RMP24: variants seen among roughly 807,000 people sequenced by gnomAD.
RMP24 encodes ribonuclease MRP subunit p24, also known as ribonuclease MRP protein subunit p24.
the RMP24 span, chr18:35,974,776 GTTTAC>G: frequency 3.3e-6 from 3 of 900,736 alleles, no homozygotes; most frequent in African/African-American, 3.4e-5. Flanking sequence ...CATATTTTGA[GTTTAC>G]TTAATGTGTA....
the RMP24 span, chr18:35,977,589 A>G: frequency 6.9e-5 from 111 of 1,611,494 alleles, no homozygotes; most frequent in Middle Eastern, 5.0e-4. Context: ...AGAGCCCAGC[A>G]TCGGTTTTCA....
chr18:35,972,744 T>A, the RMP24 span: 3 of 1,612,678 alleles, frequency 1.9e-6, no homozygotes, highest in Non-Finnish European at 2.5e-6. Context: ...ACAGAAGCAC[T>A]ACCTTGAGGC....
chr18:35,975,668 G>A, the RMP24 span, among the ~76,000 whole-genome samples: 62 of 152,302 alleles, frequency 4.1e-4, no homozygotes, highest in Non-Finnish European at 6.5e-4. Context: ...TTACTATATG[G>A]AGGCCAGTAG....
chr18:35,979,094 C>G, the RMP24 span: 18 of 1,305,372 alleles, frequency 1.4e-5, no homozygotes, highest in Non-Finnish European at 1.9e-5. Flanking sequence ...GAAACTAGAT[C>G]TGAATGCAAA....
At chr18:35,975,402 G>A in the RMP24 span, among the ~76,000 whole-genome samples, 1 of 152,092 alleles carries the variant, frequency 6.6e-6, no homozygotes, top group Non-Finnish European at 1.5e-5. Context: ...CACCTAAATT[G>A]CAGTTACCAC....
At chr18:35,974,997 A>C in the RMP24 span, 1 of 1,614,190 alleles carries the variant, frequency 6.2e-7, no homozygotes, top group South Asian at 1.1e-5. Flanking sequence ...GTTGACACCC[A>C]AAATACAGAA....
chr18:35,975,334 A>C, the RMP24 span, among the ~76,000 whole-genome samples: 1 of 152,216 alleles, frequency 6.6e-6, no homozygotes, highest in Non-Finnish European at 1.5e-5. Flanking sequence ...TTGAGATCCC[A>C]TTGTTGAGCA....
chr18:35,973,277 G>C, the RMP24 span: 17 of 357,862 alleles, frequency 4.8e-5, no homozygotes, highest in Non-Finnish European at 5.2e-5. Flanking sequence ...AGGCACACTC[G>C]CTTCCTTGGT....
the RMP24 span, among the ~76,000 whole-genome samples, chr18:35,977,216 C>G: frequency 2.7e-5 from 4 of 150,546 alleles, no homozygotes; most frequent in Admixed American, 6.6e-5. Flanking sequence ...AGCAAGACTC[C>G]GTCTCAAAAA....
the RMP24 span, among the ~76,000 whole-genome samples, chr18:35,978,454 A>G: frequency 6.6e-6 from 1 of 152,230 alleles, no homozygotes; most frequent in Non-Finnish European, 1.5e-5. Flanking sequence ...CTACTAAAAT[A>G]CAAAAGATTA....
the RMP24 span, chr18:35,973,159 T>C: frequency 5.0e-6 from 3 of 594,084 alleles, no homozygotes; most frequent in South Asian, 4.1e-5. Context: ...CATTACGTAG[T>C]TCACCTCTTC....
At chr18:35,975,097 T>A in the RMP24 span, 1 of 1,610,672 alleles carries the variant, frequency 6.2e-7, no homozygotes, top group Non-Finnish European at 8.5e-7. Context: ...AGTGTATTGG[T>A]AAGATTTCAG....
At chr18:35,975,330 T>G in the RMP24 span, among the ~76,000 whole-genome samples, 1 of 152,250 alleles carries the variant, frequency 6.6e-6, no homozygotes, top group African/African-American at 2.4e-5. Flanking sequence ...TGTTTTGAGA[T>G]CCCATTGTTG....
At chr18:35,973,218 G>A in the RMP24 span, 1 of 509,834 alleles carries the variant, frequency 2.0e-6, no homozygotes. Flanking sequence ...ATCTCCCCAA[G>A]CTTTAAGTAT....
chr18:35,972,704 C>T, the RMP24 span: 1 of 1,594,378 alleles, frequency 6.3e-7, no homozygotes, highest in Non-Finnish European at 8.5e-7. Context: ...GTTCCCGCGG[C>T]GAGCCAGCGG....
the RMP24 span, among the ~76,000 whole-genome samples, chr18:35,978,266 C>G: frequency 6.6e-6 from 1 of 152,262 alleles, no homozygotes; most frequent in Non-Finnish European, 1.5e-5. Flanking sequence ...CCAGCCCTAT[C>G]TGGCACCAGT....
At chr18:35,974,806 A>G in the RMP24 span, 8 of 1,214,826 alleles carry the variant, frequency 6.6e-6, no homozygotes, top group Non-Finnish European at 2.3e-6. Flanking sequence ...CTTATATTAA[A>G]TTTCAATATA....
the RMP24 span, among the ~76,000 whole-genome samples, chr18:35,974,184 G>A: frequency 6.6e-6 from 1 of 152,098 alleles, no homozygotes; most frequent in Non-Finnish European, 1.5e-5. Flanking sequence ...ACTCAATGAA[G>A]CTTTCCCTAG....
chr18:35,977,381 G>A, the RMP24 span: 15 of 1,578,562 alleles, frequency 9.5e-6, no homozygotes, highest in Admixed American at 7.2e-5. Flanking sequence ...GATAAATGAC[G>A]GGACTGATAT....
Sources: allele counts gnomAD v4.1 joint callset (sites outside exome capture counted in the v4.1 genomes callset), GRCh38; gene constraint gnomAD v4.1.1; transcripts MANE v1.5; gene names NCBI Gene and HGNC (gene_info 2026-07-23, HGNC 2026-07-21).